LDLRAD3: variants seen among roughly 807,000 people sequenced by gnomAD.
The protein encoded by LDLRAD3 is low-density lipoprotein receptor class A domain-containing protein 3.
LDLRAD3 carries 20 observed loss-of-function variants against 29.4 expected under a neutral mutation model. That is an observed-to-expected ratio of 0.68 (90% CI 0.48 to 0.99). LDLRAD3 has a LOEUF of 0.99. Ranked by LOEUF, LDLRAD3 falls within the 50% of genes least tolerant of loss-of-function variation. The probability of loss-of-function intolerance (pLI) is 0.00; values close to 1 mark genes in which losing one functional copy is unlikely to be tolerated. For missense variants in LDLRAD3, 420 were observed against 454.3 expected, an observed-to-expected ratio of 0.92 and a Z score of 0.69; for synonymous variants, 157 against 192.7, an observed-to-expected ratio of 0.81 and a Z score of 1.53.
intron 1 of LDLRAD3, among the ~76,000 whole-genome samples, chr11:36,009,342 A>G (rs142674194): frequency 9.9e-5 from 15 of 152,230 alleles, no homozygotes; most frequent in East Asian, 1.9e-4. Context: ...CTCTGGGAGC[A>G]GTCATCATAG....
At chr11:36,079,612 T>A (rs190680057) in intron 2 of LDLRAD3, among the ~76,000 whole-genome samples, 222 of 152,218 alleles carry the variant, frequency 1.5e-3, no homozygotes, top group Non-Finnish European at 2.4e-3. Flanking sequence ...AAGGCAGATT[T>A]GTTAGCGAAA....
At chr11:36,131,840 C>A (rs796679021) in intron 4 of LDLRAD3, among the ~76,000 whole-genome samples, 3 of 152,292 alleles carry the variant, frequency 2.0e-5, no homozygotes, top group African/African-American at 7.2e-5. Flanking sequence ...TTGAACCCAC[C>A]TGGGGCCTGG....
chr11:36,198,964 G>C (rs922078747), intron 4 of LDLRAD3, among the ~76,000 whole-genome samples: 2 of 151,882 alleles, frequency 1.3e-5, no homozygotes, highest in African/African-American at 4.8e-5. Flanking sequence ...GGAATGGCGC[G>C]ATCTTGGCTC....
chr11:36,153,511 G>A (rs1002685326), intron 4 of LDLRAD3, among the ~76,000 whole-genome samples: 1 of 152,058 alleles, frequency 6.6e-6, no homozygotes, highest in Non-Finnish European at 1.5e-5. Flanking sequence ...CCTCTCTTAG[G>A]ACATTGAGGC....
intron 1 of LDLRAD3, among the ~76,000 whole-genome samples, chr11:35,965,350 C>T (rs906982957): frequency 6.6e-6 from 1 of 152,152 alleles, no homozygotes; most frequent in African/African-American, 2.4e-5. Flanking sequence ...TCATTTTCTA[C>T]TTTTGTTGCT....
intron 1 of LDLRAD3, among the ~76,000 whole-genome samples, chr11:35,987,170 A>G (rs1169663576): frequency 6.6e-6 from 1 of 152,214 alleles, no homozygotes; most frequent in African/African-American, 2.4e-5. Context: ...ACACATTTGT[A>G]TATCTTGTTA....
intron 4 of LDLRAD3, among the ~76,000 whole-genome samples, chr11:36,145,688 G>A (rs1854180570): frequency 6.6e-6 from 1 of 151,432 alleles, no homozygotes; most frequent in Middle Eastern, 3.4e-3. Flanking sequence ...TTGGGATCCT[G>A]TTAATCTGTG....
At position 36,230,951 on chromosome 11, in the gene LDLRAD3, T is replaced by C. The variant is rs1855567436; in HGVS notation, c.*1554T>C. On this transcript the variant is annotated 3_prime_UTR_variant, in exon 6 of 6. Coordinates refer to ENST00000315571, the MANE Select transcript of LDLRAD3 (RefSeq NM_174902.4). Reference sequence around the variant, plus strand: ...TGTATAGTCTCTATGTTTGTGCTAGTTTTTCTTTTTTTTCTCTGTGTCCAG... The same window carrying C: ...TGTATAGTCTCTATGTTTGTGCTAGCTTTTCTTTTTTTTCTCTGTGTCCAG... 1 of 152,332 alleles carries C rather than the reference T, an allele frequency of 6.6e-6. No individual in the cohort carries two copies. The highest frequency in any genetic ancestry group is 1.5e-5 in the Non-Finnish European group (1 of 68,040). The allele number at this position is 152,332 out of a possible 1,614,324, so 9.4% of individuals were successfully genotyped here. A position where few individuals can be genotyped will look rare whatever the true frequency, so the allele number is the denominator to read the frequency against.
chr11:36,029,698 C>G (rs1852211722), intron 1 of LDLRAD3, among the ~76,000 whole-genome samples: 1 of 152,196 alleles, frequency 6.6e-6, no homozygotes, highest in Non-Finnish European at 1.5e-5. Flanking sequence ...ACCTAGACCT[C>G]TTTGCTTGCC....
At chr11:35,953,360 C>G (rs959163445) in intron 1 of LDLRAD3, among the ~76,000 whole-genome samples, 23 of 152,192 alleles carry the variant, frequency 1.5e-4, no homozygotes, top group Admixed American at 3.9e-4. Flanking sequence ...AGAAGACTTG[C>G]ATACCCAAGG....
chr11:36,220,517 G>C (rs1855413406), intron 4 of LDLRAD3, among the ~76,000 whole-genome samples: 1 of 152,180 alleles, frequency 6.6e-6, no homozygotes, highest in South Asian at 2.1e-4. Flanking sequence ...AAACATGGAT[G>C]AATCTCAAAA....
At chr11:36,004,059 C>T (rs1357189109) in intron 1 of LDLRAD3, among the ~76,000 whole-genome samples, 1 of 152,156 alleles carries the variant, frequency 6.6e-6, no homozygotes, top group Non-Finnish European at 1.5e-5. Flanking sequence ...GGGCACACAT[C>T]CAAACCAAAT....
chr11:36,163,187 G>C (rs573700371), intron 4 of LDLRAD3: 19 of 152,382 alleles, frequency 1.2e-4, no homozygotes, highest in Admixed American at 7.8e-4. Flanking sequence ...AGTTTTGGTT[G>C]ATTTCCAACA....
chr11:35,953,038 A>G (rs1340212549), intron 1 of LDLRAD3, among the ~76,000 whole-genome samples: 1 of 152,202 alleles, frequency 6.6e-6, no homozygotes, highest in African/African-American at 2.4e-5. Context: ...GTAAAGTGTT[A>G]GCTACAGGCA....
chr11:35,984,665 C>T (rs372106650), intron 1 of LDLRAD3, among the ~76,000 whole-genome samples: 4 of 152,276 alleles, frequency 2.6e-5, no homozygotes, highest in Admixed American at 2.0e-4. Context: ...GAGTTTCGCT[C>T]TTGTTGCCCA....
chr11:35,979,016 C>CT (rs371644357), intron 1 of LDLRAD3, among the ~76,000 whole-genome samples: 68 of 152,232 alleles, frequency 4.5e-4, no homozygotes, highest in African/African-American at 1.5e-3. Flanking sequence ...CAGCCATTTG[C>CT]TTTCATATTT....
At chr11:36,091,410 C>G (rs186627385) in intron 3 of LDLRAD3, among the ~76,000 whole-genome samples, 1 of 151,966 alleles carries the variant, frequency 6.6e-6, no homozygotes, top group Admixed American at 6.6e-5. Flanking sequence ...GTCCCTCGGT[C>G]TTATCTTTTA....
At chr11:36,120,925 T>G (rs1257368722) in intron 4 of LDLRAD3, among the ~76,000 whole-genome samples, 8 of 152,162 alleles carry the variant, frequency 5.3e-5, no homozygotes, top group Non-Finnish European at 1.2e-4. Context: ...AGACACTGTC[T>G]GTGAACCAGG....
intron 4 of LDLRAD3, among the ~76,000 whole-genome samples, chr11:36,147,995 C>T (rs4755437): frequency 0.18 from 26,662 of 152,006 alleles, 2,551 homozygotes; most frequent in East Asian, 0.29. Context: ...CTCAGCCTTG[C>T]GAGTAGCTGA....
Sources: allele counts gnomAD v4.1 joint callset (sites outside exome capture counted in the v4.1 genomes callset), GRCh38; gene constraint gnomAD v4.1.1; transcripts MANE v1.5; gene names NCBI Gene and HGNC (gene_info 2026-07-23, HGNC 2026-07-21).